The following CMPK2 variants were observed in gnomAD, a reference collection of about 807,000 sequenced individuals.
CMPK2 encodes cytidine/uridine monophosphate kinase 2, also known as UMP-CMP kinase 2, mitochondrial.
Under a neutral mutation model 33.4 loss-of-function variants are expected in CMPK2, and 32 were observed. That is an observed-to-expected ratio of 0.96 (90% CI 0.72 to 1.29). The LOEUF is 1.29. Among genes scored for constraint, CMPK2 ranks in the 50% most tolerant of loss-of-function variants. CMPK2 has a pLI of 0.00. For missense variants in CMPK2, 672 were observed against 616.0 expected (o/e 1.09, Z -0.96); for synonymous variants, 299 against 275.3 (o/e 1.09, Z -0.85).
chr2:6,865,068 G>A lies in CMPK2; in HGVS notation c.629C>T (p.Ser210Phe), dbSNP rs928025728. ...LHPVVPDLPS[S>F]VVFPDREAAR... Reference sequence around the variant, plus strand: ...GGCTTCCCGGTCCGGGAAGACCACGGAACTGGGCAAGTCTGGCACCACCGG... The same window carrying A: ...GGCTTCCCGGTCCGGGAAGACCACGAAACTGGGCAAGTCTGGCACCACCGG... Residue 210 changes from serine to phenylalanine, a missense_variant, in exon 1 of 5, where the codon TCC becomes TTC. Physicochemically the swap from Ser to Phe is radical, Grantham distance 155. Coordinates refer to ENST00000256722, the MANE Select transcript of CMPK2 (RefSeq NM_207315.4). 4.1e-6 allele frequency: 6 copies of A among 1,464,918 alleles called. No homozygotes were observed. In the African/African-American group the frequency reaches 7.4e-5, roughly 18 times the overall value. 90.7% of individuals were successfully genotyped at this position (1,464,918 alleles called of 1,614,324 possible).
At chr2:6,842,741 A>T (rs539955631) in intron 3 of CMPK2, among the ~76,000 whole-genome samples, 5 of 152,206 alleles carry the variant, frequency 3.3e-5, no homozygotes, top group Non-Finnish European at 7.3e-5. Flanking sequence ...AGGTGATATG[A>T]AGGGTGAACT....
downstream of CMPK2, among the ~76,000 whole-genome samples, chr2:6,846,496 T>C (rs1381766108): frequency 2.6e-5 from 4 of 152,182 alleles, no homozygotes; most frequent in Admixed American, 1.3e-4. Flanking sequence ...AGATACCAAC[T>C]AACTCTACTC....
chr2:6,850,001 G>T (rs758927892), intron 4 of CMPK2, 28 bp from the exon 5 acceptor site: 4 of 1,562,178 alleles, frequency 2.6e-6, no homozygotes, highest in Non-Finnish European at 3.5e-6. Context: ...ACAAAGAGTT[G>T]GTCTACTTTT....
chr2:6,849,643 C>G lies in CMPK2; in HGVS notation c.*207G>C. 7.2e-7 allele frequency: 1 copy of G among 1,388,694 alleles called. No individual in the cohort carries two copies. Among genetic ancestry groups the G allele is most frequent in the Non-Finnish European group, 9.3e-7 (1 of 1,077,916 alleles). The allele number at this position is 1,388,694 out of a possible 1,614,324, so 86.0% of individuals were successfully genotyped here. ...AGCAATCGCTGGCCTCTCACTGGAA[C>G]ATGATGAGAGGGACCTTTGTGATGA... On this transcript the variant is annotated 3_prime_UTR_variant, in exon 5 of 5. Transcript: ENST00000256722.
At chr2:6,859,775 G>T (rs919749636) in intron 3 of CMPK2, among the ~76,000 whole-genome samples, 1 of 152,224 alleles carries the variant, frequency 6.6e-6, no homozygotes, top group Non-Finnish European at 1.5e-5. Flanking sequence ...GAAATGTGGG[G>T]TTGGAGCCCC....
chr2:6,865,526 G>A lies in CMPK2; in HGVS notation c.171C>T (p.Ala57=), dbSNP rs1219275877. The part of the protein sequence containing the change: ...LGADAPGDAD[A]PDPRLAALLG... ...GCAGCGCCGCCAGGCGGGGGTCGGG[G>A]GCGTCTGCGTCGCCGGGGGCGTCGG... is the stretch of plus-strand genomic sequence containing the variant. The change falls in exon 1 of 5, where the codon GCC becomes GCT. Residue 57 remains alanine, a synonymous_variant. Coordinates refer to ENST00000256722, the MANE Select transcript of CMPK2 (RefSeq NM_207315.4). 1.0e-5 allele frequency: 13 copies of A among 1,292,698 alleles called. No individual in the cohort carries two copies. In the East Asian group the frequency reaches 2.3e-4, roughly 23 times the overall value. 80.1% of individuals were successfully genotyped at this position (1,292,698 alleles called of 1,614,324 possible).
At position 6,865,165 on chromosome 2, in the gene CMPK2, C is replaced by G; in HGVS notation, c.532G>C (p.Glu178Gln). Residue 178 changes from glutamate to glutamine, a missense_variant, in exon 1 of 5, where the codon GAG becomes CAG. Transcript: ENST00000256722. ...PRGQLWQRLW[E>Q]VQDGRRLQVG... ...TGCAGCCGCCTGCCGTCTTGCACCT[C>G]CCAGAGGCGCTGCCACAGCTGGCCG... 3.3e-6 allele frequency: 5 copies of G among 1,536,014 alleles called. No individual in the cohort carries two copies. The highest frequency in any genetic ancestry group is 4.4e-6 in the Non-Finnish European group (5 of 1,143,400).
In CMPK2 at chr2:6,865,033, C is replaced by G. The variant is rs1016625943; in HGVS notation, c.664G>C (p.Val222Leu). Residue 222 changes from valine to leucine, a missense_variant, in exon 1 of 5, where the codon GTT (valine) becomes CTT (leucine). By Grantham distance (32) the Val-to-Leu change is conservative (BLOSUM62 1). Coordinates refer to ENST00000256722, the MANE Select transcript of CMPK2 (RefSeq NM_207315.4). ...GACAGAACTCTTACCTCCTCCAAAA[C>G]GGCCCGGGCGGCTTCCCGGTCCGGG... ...VFPDREAARA[V>L]LEECTSFIPE... 3 of 1,428,328 alleles carry G rather than the reference C, an allele frequency of 2.1e-6. No individual in the cohort carries two copies. Among genetic ancestry groups the G allele is most frequent in the Non-Finnish European group, 1.8e-6 (2 of 1,089,084 alleles). 88.5% of individuals were successfully genotyped at this position (1,428,328 alleles called of 1,614,324 possible). A position where few individuals can be genotyped will look rare whatever the true frequency, so the allele number is the denominator to read the frequency against.
chr2:6,860,651 T>C (rs1297542263), intron 3 of CMPK2, among the ~76,000 whole-genome samples: 2 of 152,208 alleles, frequency 1.3e-5, no homozygotes, highest in African/African-American at 2.4e-5. Context: ...CTGCTCTCTT[T>C]TGTAAATTGC....
chr2:6,859,182 A>G (rs1276427066), intron 3 of CMPK2, among the ~76,000 whole-genome samples: 3 of 152,262 alleles, frequency 2.0e-5, no homozygotes, highest in African/African-American at 7.2e-5. Context: ...TAAGCAGCAA[A>G]GCATTCAAGA....
In CMPK2 at chr2:6,865,446, C is replaced by A; in HGVS notation, c.251G>T (p.Gly84Val). The A allele has an allele frequency of 7.8e-7, 1 of 1,280,214 alleles. No individual in the cohort carries two copies. Among genetic ancestry groups the A allele is most frequent in the Non-Finnish European group, 9.8e-7 (1 of 1,018,452 alleles). The allele number at this position is 1,280,214 out of a possible 1,614,324, so 79.3% of individuals were successfully genotyped here. The change falls in exon 1 of 5, where the codon GGC (glycine) becomes GTC (valine). Residue 84 changes from glycine to valine, a missense_variant. Physicochemically the swap from Gly to Val is moderately radical, Grantham distance 109. Transcript: ENST00000256722. ...SLCVPVTPDA[G>V]CGARVRAARL... ...CGCCGCCCGGACCCGGGCCCCGCAG[C>A]CGGCGTCCGGGGTCACGGGCACGCA...
intron 3 of CMPK2, among the ~76,000 whole-genome samples, chr2:6,860,590 C>T (rs1250965962): frequency 6.6e-6 from 1 of 152,208 alleles, no homozygotes; most frequent in East Asian, 1.9e-4. Context: ...TTGTACCTTC[C>T]ACCATGATTG....
chr2:6,853,229 C>G (rs1662578596), intron 3 of CMPK2, among the ~76,000 whole-genome samples: 1 of 152,088 alleles, frequency 6.6e-6, no homozygotes, highest in South Asian at 2.1e-4. Flanking sequence ...GAATTACAGG[C>G]GTGAGGTACC....
Position 6,848,495 on chromosome 2 carries a change from C to G in CMPK2, c.*1355G>C. 1.0e-6 allele frequency: 1 copy of G among 973,578 alleles called. No homozygotes were observed. The highest frequency in any genetic ancestry group is 1.2e-6 in the Non-Finnish European group (1 of 819,110). The allele number at this position is 973,578 out of a possible 1,614,324, so 60.3% of individuals were successfully genotyped here. ...AATGCTATTTATCAGCTTTAAAATA[C>G]TTTCAACTGAAATCAATTACATTTT... On this transcript the variant is annotated 3_prime_UTR_variant, in exon 5 of 5. Transcript: ENST00000256722.
intron 3 of CMPK2, among the ~76,000 whole-genome samples, chr2:6,854,676 T>C (rs563797828): frequency 2.0e-5 from 3 of 152,316 alleles, no homozygotes; most frequent in African/African-American, 7.2e-5. Context: ...TCTCCACTCC[T>C]GCTATCAGGG....
At chr2:6,853,718 T>A (rs186379487) in intron 3 of CMPK2, among the ~76,000 whole-genome samples, 8 of 152,086 alleles carry the variant, frequency 5.3e-5, no homozygotes, top group South Asian at 4.2e-4. Context: ...CTGGCTAACA[T>A]GGTGAAACCC....
chr2:6,847,834 C>G (rs1439952920), downstream of CMPK2, among the ~76,000 whole-genome samples: 1 of 152,106 alleles, frequency 6.6e-6, no homozygotes, highest in Admixed American at 6.5e-5. Flanking sequence ...GTTAAGGGAG[C>G]CTTGGAAATG....
intron 1 of CMPK2, among the ~76,000 whole-genome samples, chr2:6,864,801 G>C (rs1442253813): frequency 5.9e-5 from 9 of 152,176 alleles, no homozygotes; most frequent in Admixed American, 5.9e-4. Flanking sequence ...CGCGTGGCTT[G>C]GTGTAGGTCT....
intron 3 of CMPK2, among the ~76,000 whole-genome samples, chr2:6,855,242 GTTCTCGTGAT>G (rs953444606): frequency 4.6e-4 from 70 of 151,898 alleles, no homozygotes; most frequent in African/African-American, 1.7e-3. Flanking sequence ...CCCCCTTGCT[GTTCTCGTGAT>G]GGTGAGTTGT....
Sources: allele counts gnomAD v4.1 joint callset (sites outside exome capture counted in the v4.1 genomes callset), GRCh38; gene constraint gnomAD v4.1.1; transcripts MANE v1.5; gene names NCBI Gene and HGNC (gene_info 2026-07-23, HGNC 2026-07-21).